The following CSMD1 variants were observed in gnomAD, a reference collection of about 807,000 sequenced individuals.
CSMD1 encodes the protein CUB and sushi domain-containing protein 1.
Under a neutral mutation model 417.5 loss-of-function variants are expected in CSMD1, and 213 were observed. The ratio of observed to expected loss-of-function variants is 0.51; its 90% CI spans 0.46 to 0.57. The LOEUF (loss-of-function observed/expected upper bound fraction) is 0.57. Among genes scored for constraint, CSMD1 ranks in the 20% least tolerant of loss-of-function variants. CSMD1 has a pLI of 0.00. For synonymous variants in CSMD1, 2,862 were observed against 1,736.8 expected (o/e 1.65, Z -16.11); for missense variants, 6,923 against 4,529.7 (o/e 1.53, Z -15.17).
intron 3 of CSMD1, among the ~76,000 whole-genome samples, chr8:4,141,617 A>C (rs984970602): frequency 6.6e-6 from 1 of 150,444 alleles, no homozygotes; most frequent in Non-Finnish European, 1.5e-5. Flanking sequence ...CGATTCCTCC[A>C]CTATATTTTC....
chr8:4,248,502 A>G (rs572431352), intron 3 of CSMD1, among the ~76,000 whole-genome samples: 2 of 152,334 alleles, frequency 1.3e-5, no homozygotes, highest in South Asian at 2.1e-4. Context: ...CTATTCATTA[A>G]TATGTCAACT....
intron 25 of CSMD1, among the ~76,000 whole-genome samples, chr8:3,300,528 A>T (rs1804310972): frequency 4.6e-5 from 7 of 152,194 alleles, no homozygotes; most frequent in Admixed American, 4.6e-4. Context: ...AAAGACTTGT[A>T]CTAAGACATA....
intron 5 of CSMD1, among the ~76,000 whole-genome samples, chr8:3,888,913 A>G (rs940159): frequency 0.63 from 96,108 of 152,026 alleles, 32,450 homozygotes; most frequent in South Asian, 0.77. Flanking sequence ...AATTAAAAGC[A>G]TATCTTTATA....
At chr8:3,286,752 A>T (rs1160692531) in intron 25 of CSMD1, among the ~76,000 whole-genome samples, 1 of 151,820 alleles carries the variant, frequency 6.6e-6, no homozygotes, top group Admixed American at 6.6e-5. Context: ...GATTGCAAAA[A>T]TTTTCTCCCA....
At chr8:3,428,973 A>G (rs1325947212) in intron 12 of CSMD1, among the ~76,000 whole-genome samples, 1 of 152,180 alleles carries the variant, frequency 6.6e-6, no homozygotes, top group Non-Finnish European at 1.5e-5. Context: ...ACTTTTACGG[A>G]GAACCTCAGA....
intron 4 of CSMD1, among the ~76,000 whole-genome samples, chr8:4,020,023 T>C (rs1796711450): frequency 6.6e-6 from 1 of 152,100 alleles, no homozygotes; most frequent in African/African-American, 2.4e-5. Flanking sequence ...GGCACTTAGT[T>C]CTGAAATCTA....
rs190833978 is a variant in CSMD1 at position 3,608,804 on chromosome 8, C to T, written c.1097+7906G>A. Among the ~76,000 whole-genome samples, 15 of 151,814 alleles carry T rather than the reference C, an allele frequency of 9.9e-5. No individual in the cohort carries two copies. The East Asian group carries it at 2.1e-3, about 22-fold the overall frequency. ...TCATAACGTCCAGCAGTGTGCATCACGGCCAATGCTAGTCTATGTGGATCC... is the reference window on the plus strand; with the variant it reads ...TCATAACGTCCAGCAGTGTGCATCATGGCCAATGCTAGTCTATGTGGATCC... On this transcript the variant is annotated intron_variant, in intron 8 of 69. Transcript: ENST00000635120.
chr8:3,292,532 T>A (rs2117286190), intron 25 of CSMD1, among the ~76,000 whole-genome samples: 1 of 152,324 alleles, frequency 6.6e-6, no homozygotes. Context: ...ACATATATAT[T>A]TAGGAGAGCT....
At chr8:4,802,249 C>G (rs1798331451) in intron 1 of CSMD1, among the ~76,000 whole-genome samples, 1 of 152,166 alleles carries the variant, frequency 6.6e-6, no homozygotes, top group African/African-American at 2.4e-5. Flanking sequence ...TTGCCCTTTT[C>G]CCTTTTCCTC....
intron 1 of CSMD1, among the ~76,000 whole-genome samples, chr8:4,737,816 T>G (rs993936700): frequency 6.6e-6 from 1 of 152,110 alleles, no homozygotes; most frequent in Non-Finnish European, 1.5e-5. Flanking sequence ...TCTAAAGTAA[T>G]GGGCAGCATA....
intron 3 of CSMD1, among the ~76,000 whole-genome samples, chr8:4,097,160 C>G (rs970522492): frequency 7.9e-5 from 12 of 152,136 alleles, no homozygotes; most frequent in African/African-American, 2.9e-4. Flanking sequence ...TTCTGTCATG[C>G]TTACCATTAT....
At chr8:4,443,006 A>C (rs1563178723) in intron 2 of CSMD1, among the ~76,000 whole-genome samples, 1 of 152,176 alleles carries the variant, frequency 6.6e-6, no homozygotes, top group Non-Finnish European at 1.5e-5. Context: ...TCCATCTCCC[A>C]AAAACACTGT....
chr8:3,325,387 T>G (rs1806459294), intron 23 of CSMD1, among the ~76,000 whole-genome samples: 1 of 152,272 alleles, frequency 6.6e-6, no homozygotes, highest in Non-Finnish European at 1.5e-5. Flanking sequence ...GGCCTTCATT[T>G]TATTTCACAC....
intron 3 of CSMD1, among the ~76,000 whole-genome samples, chr8:4,212,279 C>G (rs1800360468): frequency 6.6e-6 from 1 of 151,618 alleles, no homozygotes; most frequent in South Asian, 2.1e-4. Flanking sequence ...AAATACTATT[C>G]TACAAACTTA....
chr8:3,744,372 G>A (rs973887415), intron 6 of CSMD1, among the ~76,000 whole-genome samples: 3 of 152,066 alleles, frequency 2.0e-5, no homozygotes, highest in African/African-American at 4.8e-5. Flanking sequence ...GGGCACAGCA[G>A]GACCAGATTT....
rs140477636 is a variant in CSMD1 at position 3,445,171 on chromosome 8, G to C, written c.1561+23541C>G. On this transcript the variant is annotated intron_variant, in intron 12 of 69. Transcript: ENST00000635120. ...ATCAAACAATCACAATCATAACACA[G>C]TACACTTTTAATAATTCTTTTATCA... Among the ~76,000 whole-genome samples, 1,249 of 152,218 alleles carry C rather than the reference G, an allele frequency of 8.2e-3. 10 individuals carry two copies. Among genetic ancestry groups the C allele is most frequent in the African/African-American group, 0.028 (1,162 of 41,528 alleles).
intron 4 of CSMD1, among the ~76,000 whole-genome samples, chr8:4,028,460 A>G (rs1315552442): frequency 6.6e-6 from 1 of 152,160 alleles, no homozygotes; most frequent in African/African-American, 2.4e-5. Flanking sequence ...TATGAATACA[A>G]TAAACACCAA....
At chr8:4,139,201 C>G (rs1803625063) in intron 3 of CSMD1, among the ~76,000 whole-genome samples, 2 of 152,290 alleles carry the variant, frequency 1.3e-5, no homozygotes, top group South Asian at 2.1e-4. Context: ...CAGTATCTTC[C>G]TGGAAAATAA....
intron 3 of CSMD1, among the ~76,000 whole-genome samples, chr8:4,091,189 G>A (rs1001298814): frequency 3.9e-5 from 6 of 152,080 alleles, no homozygotes; most frequent in Admixed American, 3.3e-4. Flanking sequence ...AAAGTGCTGG[G>A]ATTACGGGCT....
Sources: allele counts gnomAD v4.1 joint callset (sites outside exome capture counted in the v4.1 genomes callset), GRCh38; gene constraint gnomAD v4.1.1; transcripts MANE v1.5; gene names NCBI Gene and HGNC (gene_info 2026-07-23, HGNC 2026-07-21).